HKDC1: variants seen among roughly 807,000 people sequenced by gnomAD.
HKDC1 encodes hexokinase HKDC1.
Under a neutral mutation model 96.6 loss-of-function variants are expected in HKDC1, and 66 were observed. That is an observed-to-expected ratio of 0.68 (90% CI 0.56 to 0.84). HKDC1 has a LOEUF of 0.84. HKDC1 is among the 40% of genes least tolerant of loss of function. HKDC1 has a pLI of 0.00. For synonymous variants in HKDC1, 466 were observed against 473.1 expected, an observed-to-expected ratio of 0.98 and a Z score of 0.20; for missense variants, 1,211 against 1,208.1, an observed-to-expected ratio of 1.00 and a Z score of -0.04.
At chr10:69,227,410 T>G in intron 2 of HKDC1, 41 bp downstream of exon 2, 1 of 1,611,552 alleles carries the variant, frequency 6.2e-7, no homozygotes, top group East Asian at 2.2e-5. Context: ...TGGCTCCTCT[T>G]GGCTGATGGG....
At chr10:69,231,272 C>T (rs1843256083) in intron 2 of HKDC1, among the ~76,000 whole-genome samples, 1 of 152,178 alleles carries the variant, frequency 6.6e-6, no homozygotes, top group Non-Finnish European at 1.5e-5. Flanking sequence ...GATCTTGGCA[C>T]TCCCTAGCTT....
At chr10:69,235,599 G>A (rs1279643104) in intron 4 of HKDC1, among the ~76,000 whole-genome samples, 1 of 152,210 alleles carries the variant, frequency 6.6e-6, no homozygotes, top group Non-Finnish European at 1.5e-5. Context: ...TGTAGTGCAG[G>A]TGGTGGAGTG....
intron 11 of HKDC1, 28 bp from the exon 12 acceptor site, chr10:69,250,505 G>A (rs768089037): frequency 1.2e-6 from 2 of 1,613,862 alleles, no homozygotes; most frequent in Admixed American, 3.3e-5. Flanking sequence ...TCCGCCTGGT[G>A]TGAATGCCGC....
intron 2 of HKDC1, among the ~76,000 whole-genome samples, chr10:69,230,630 T>G (rs1356439978): frequency 3.3e-5 from 5 of 152,310 alleles, no homozygotes; most frequent in African/African-American, 1.2e-4. Context: ...TCTTTCTTTT[T>G]AGAAACAAGG....
At chr10:69,249,640 C>A (rs1419647367) in intron 10 of HKDC1, among the ~76,000 whole-genome samples, 1 of 152,298 alleles carries the variant, frequency 6.6e-6, no homozygotes, top group African/African-American at 2.4e-5. Flanking sequence ...GGACTACAGG[C>A]GCCCAGCACC....
rs1843909761 is a variant in HKDC1 at position 69,266,880 on chromosome 10, G to A, written c.*123G>A. The A allele has an allele frequency of 2.2e-6, 2 of 915,742 alleles. No homozygotes were observed. Among genetic ancestry groups the A allele is most frequent in the Admixed American group, 2.5e-5 (1 of 39,762 alleles). 56.7% of individuals were successfully genotyped at this position (915,742 alleles called of 1,614,324 possible). A position where few individuals can be genotyped will look rare whatever the true frequency, so the allele number is the denominator to read the frequency against. ...CCTCACCTTCTGGATGGCCGAAAGA[G>A]AACCCCAGGTTCTCGGGTACTCTTA... On this transcript the variant is annotated 3_prime_UTR_variant, in exon 18 of 18. Transcript: ENST00000354624.
At chr10:69,242,161 G>A (rs931514942) in intron 6 of HKDC1, among the ~76,000 whole-genome samples, 2 of 152,094 alleles carry the variant, frequency 1.3e-5, no homozygotes, top group Non-Finnish European at 2.9e-5. Context: ...TTTCCCAAAG[G>A]GCAGGTTTTT....
chr10:69,251,921 G>A (rs1843649541), intron 12 of HKDC1, among the ~76,000 whole-genome samples: 1 of 151,826 alleles, frequency 6.6e-6, no homozygotes, highest in African/African-American at 2.4e-5. Flanking sequence ...CACCACAACT[G>A]GCTAATTTTT....
chr10:69,263,184 C>A lies in HKDC1; in HGVS notation c.2372+1890C>A, dbSNP rs549509263. On this transcript the variant is annotated intron_variant, in intron 16 of 17. Coordinates refer to ENST00000354624, the MANE Select transcript of HKDC1 (RefSeq NM_025130.4). ...GGTTCAAGTGATCCTCCCACCTCAG[C>A]TGCCACCACTGCTCCTCTCCCCTGC... Among the ~76,000 whole-genome samples the A allele has an allele frequency of 2.5e-4, 38 of 152,264 alleles. 1 individual carries two copies. The South Asian group carries it at 7.5e-3, about 30-fold the overall frequency.
Position 69,267,007 on chromosome 10 carries a change from G to T in HKDC1, c.*250G>T, listed in dbSNP as rs1418881614. 4 of 361,904 alleles carry T rather than the reference G, an allele frequency of 1.1e-5. No individual in the cohort carries two copies. Among genetic ancestry groups the T allele is most frequent in the African/African-American group, 2.1e-5 (1 of 47,886 alleles). The allele number at this position is 361,904 out of a possible 1,614,324, so 22.4% of individuals were successfully genotyped here. A position where few individuals can be genotyped will look rare whatever the true frequency, so the allele number is the denominator to read the frequency against. ...TGAAATCAAAGTGTCTGTCCTGAGA[G>T]ATCCCCTTTCAACACATTGTTCAGG... On this transcript the variant is annotated 3_prime_UTR_variant, in exon 18 of 18. Transcript: ENST00000354624.
intron 4 of HKDC1, among the ~76,000 whole-genome samples, chr10:69,237,886 C>A (rs559497010): frequency 6.6e-6 from 1 of 152,278 alleles, no homozygotes; most frequent in African/African-American, 2.4e-5. Context: ...TCAATCCCAG[C>A]GTTTTTAAAT....
chr10:69,238,644 G>A lies in HKDC1; in HGVS notation c.496-398G>A, dbSNP rs933186365. ...ACCCGCCTCGGCCTCCCAAAGTGCT[G>A]GGATTACAGGCGTGAGCCACCGCGC... On this transcript the variant is annotated intron_variant, in intron 4 of 17. Transcript: ENST00000354624. Among the ~76,000 whole-genome samples, 6 of 147,924 alleles carry A rather than the reference G, an allele frequency of 4.1e-5. 1 individual carries two copies. Among genetic ancestry groups the A allele is most frequent in the African/African-American group, 1.3e-4 (5 of 39,540 alleles).
chr10:69,257,522 C>G, intron 14 of HKDC1, 96 bp downstream of exon 14: 1 of 1,002,492 alleles, frequency 1.0e-6, no homozygotes, highest in Non-Finnish European at 1.6e-6. Context: ...TTCCATTATA[C>G]AGAGGCTCTG....
intron 7 of HKDC1, among the ~76,000 whole-genome samples, 168 bp downstream of exon 7, chr10:69,243,533 C>G (rs182705711): frequency 1.1e-3 from 147 of 138,920 alleles, no homozygotes; most frequent in African/African-American, 3.9e-3. Flanking sequence ...GTCTCACTCT[C>G]TAGCCCAGGC....
At chr10:69,247,672 C>A in intron 9 of HKDC1, 79 bp downstream of exon 9, 6 of 1,147,974 alleles carry the variant, frequency 5.2e-6, no homozygotes, top group South Asian at 1.4e-5. Context: ...GACTATCCTG[C>A]CTATCTGGGG....
At position 69,239,130 on chromosome 10, in the gene HKDC1, G is replaced by T. The variant is rs1187431635; in HGVS notation, c.584G>T (p.Arg195Ile). Residue 195 changes from arginine to isoleucine, a missense_variant, in exon 5 of 18, where the codon AGA becomes ATA. Arg to Ile is a moderately conservative substitution (Grantham distance 97, BLOSUM62 -3). Coordinates refer to ENST00000354624, the MANE Select transcript of HKDC1 (RefSeq NM_025130.4). Reference protein sequence around the residue: ...VVSRLTKAMRRHKDMDVDILA... With the variant: ...VVSRLTKAMRIHKDMDVDILA... ...AGCCGTCTGACCAAAGCCATGAGAA[G>T]ACACAAGGTGAGGAATTCACCTCGG... 7 of 1,613,194 alleles carry T rather than the reference G, an allele frequency of 4.3e-6. No homozygotes were observed. In the African/African-American group the frequency reaches 9.3e-5, roughly 22 times the overall value.
At chr10:69,229,165 C>T (rs367548951) in intron 2 of HKDC1, among the ~76,000 whole-genome samples, 16 of 152,178 alleles carry the variant, frequency 1.1e-4, no homozygotes, top group African/African-American at 2.9e-4. Flanking sequence ...AAACCGAGCT[C>T]GTGAAAGAGC....
At position 69,248,480 on chromosome 10, in the gene HKDC1, G is replaced by T. The variant is rs1053421576; in HGVS notation, c.1322G>T (p.Arg441Leu). 6 of 1,605,830 alleles carry T rather than the reference G, an allele frequency of 3.7e-6. No homozygotes were observed. The highest frequency in any genetic ancestry group is 5.1e-6 in the Non-Finnish European group (6 of 1,174,086). The change falls in exon 10 of 18, where the codon CGC (arginine) becomes CTC (leucine). Residue 441 changes from arginine (R) to leucine (L), a missense_variant. Physicochemically the swap from Arg to Leu is moderately radical, Grantham distance 102. Coordinates refer to ENST00000354624, the MANE Select transcript of HKDC1 (RefSeq NM_025130.4). ...VRKLVPSCDV[R>L]FLLSESGSTK... Reference sequence around the variant, plus strand: ...AAACTGGTCCCAAGCTGTGATGTCCGCTTCCTCCTGTCAGAGAGTGGCAGC... The same window carrying T: ...AAACTGGTCCCAAGCTGTGATGTCCTCTTCCTCCTGTCAGAGAGTGGCAGC...
intron 16 of HKDC1, chr10:69,262,175 A>G: frequency 5.9e-6 from 2 of 336,856 alleles, no homozygotes; most frequent in Admixed American, 7.5e-5. Context: ...ACTTTCCCCT[A>G]TCAACTCTTT....
Sources: gnomAD v4.1 joint callset for allele counts (sites outside exome capture counted in the v4.1 genomes callset) on GRCh38, gnomAD v4.1.1 for gene constraint, MANE v1.5 for transcripts, NCBI Gene and HGNC (gene_info 2026-07-23, HGNC 2026-07-21) for gene names.